Variants in BBS1 observed in about 807,000 individuals in gnomAD.
BBS1 encodes the protein BBSome complex member BBS1.
Under a neutral mutation model 73.9 loss-of-function variants are expected in BBS1, and 60 were observed. The ratio of observed to expected loss-of-function variants is 0.81; its 90% CI spans 0.66 to 1.01. The LOEUF is 1.01. BBS1 is among the 50% of genes least tolerant of loss of function. The pLI, the probability that BBS1 is intolerant of heterozygous loss-of-function variation, is 0.00. For synonymous variants in BBS1, 283 were observed against 317.4 expected, an observed-to-expected ratio of 0.89 and a Z score of 1.15; for missense variants, 718 against 770.3, an observed-to-expected ratio of 0.93 and a Z score of 0.80.
rs200423761 is a variant in BBS1, at chr11:66,514,517, A to G, written c.271A>G (p.Thr91Ala). Residue 91 changes from threonine to alanine, a missense_variant, in exon 4 of 17, where the codon ACC becomes GCC. By Grantham distance (58) the Thr-to-Ala change is moderately conservative (BLOSUM62 0). Coordinates refer to ENST00000318312, the MANE Select transcript of BBS1 (RefSeq NM_024649.5). ...ACCTGCTCTGCCAGCTGCTGCTGCC[A>G]CCTTCCTCATGGAGCAACATGAGCC... Reference protein sequence around the residue: ...PLPALPAAAATFLMEQHEPRT... With the variant: ...PLPALPAAAAAFLMEQHEPRT... 1.2e-6 allele frequency: 2 copies of G among 1,614,072 alleles called. No individual in the cohort carries two copies. Among genetic ancestry groups the G allele is most frequent in the African/African-American group, 1.3e-5 (1 of 75,012 alleles).
chr11:66,517,979 TG>T (rs1856090813), intron 7 of BBS1, among the ~76,000 whole-genome samples: 1 of 150,204 alleles, frequency 6.7e-6, no homozygotes, highest in African/African-American at 2.4e-5. Flanking sequence ...TTTTTTGAGA[TG>T]GAGTTTTGCT....
Position 66,519,646 on chromosome 11 carries a change from G to A in BBS1, c.621G>A (p.Lys207=). Residue 207 remains lysine (K), a synonymous_variant, in exon 8 of 17, where the codon AAG becomes AAA. Transcript: ENST00000318312. ...TCATCACCACCATGACCACCTTGAAGAAGAACCTGGCTGACGAGGATGCTG... is the reference window on the plus strand; with the variant it reads ...TCATCACCACCATGACCACCTTGAAAAAGAACCTGGCTGACGAGGATGCTG... ...QTVITTMTTL[K]KNLADEDAVS... The A allele has an allele frequency of 6.2e-7, 1 of 1,613,928 alleles. No individual in the cohort carries two copies. Among genetic ancestry groups the A allele is most frequent in the Non-Finnish European group, 8.5e-7 (1 of 1,179,958 alleles).
chr11:66,526,364 C>G (rs1163533214), intron 12 of BBS1, among the ~76,000 whole-genome samples, 172 bp downstream of exon 12: 2 of 152,216 alleles, frequency 1.3e-5, no homozygotes, highest in Admixed American at 6.5e-5. Flanking sequence ...AGCCCAAGGG[C>G]TGGGTCCTGG....
At chr11:66,531,088 G>A in intron 15 of BBS1, 60 bp downstream of exon 15, 2 of 1,603,560 alleles carry the variant, frequency 1.2e-6, no homozygotes, top group Non-Finnish European at 1.7e-6. Context: ...GGCCTGATGA[G>A]ATGCCCACAG....
At chr11:66,523,235 G>A in intron 9 of BBS1, 1 of 676,128 alleles carries the variant, frequency 1.5e-6, no homozygotes, top group Non-Finnish European at 2.7e-6. Flanking sequence ...GAAGGTGGGA[G>A]GAAGACAAGA....
chr11:66,523,658 C>T, intron 10 of BBS1, 66 bp from the exon 11 acceptor site: 1 of 1,610,814 alleles, frequency 6.2e-7, no homozygotes, highest in Non-Finnish European at 8.5e-7. Flanking sequence ...GGCTTCCCCA[C>T]CCCAGAAACC....
chr11:66,511,179 C>G (rs749835624), intron 2 of BBS1, 26 bp from the exon 3 acceptor site: 1 of 1,614,072 alleles, frequency 6.2e-7, no homozygotes, highest in Non-Finnish European at 8.5e-7. Flanking sequence ...TTCTGAGACT[C>G]TGGTTTTGGC....
intron 3 of BBS1, among the ~76,000 whole-genome samples, chr11:66,512,257 A>G (rs1855970430): frequency 6.6e-6 from 1 of 152,016 alleles, no homozygotes; most frequent in African/African-American, 2.4e-5. Flanking sequence ...TGAATGGGAA[A>G]ATAGTTTCAA....
At position 66,526,687 on chromosome 11, in the gene BBS1, G is replaced by A. The variant is rs754254633; in HGVS notation, c.1219G>A (p.Val407Met). The A allele has an allele frequency of 6.2e-7, 1 of 1,614,220 alleles. No individual in the cohort carries two copies. The highest frequency in any genetic ancestry group is 1.7e-5 in the Admixed American group (1 of 60,028). Residue 407 changes from valine (V) to methionine (M), a missense_variant, in exon 13 of 17, where the codon GTG becomes ATG. Physicochemically the swap from Val to Met is conservative, Grantham distance 21. Coordinates refer to ENST00000318312, the MANE Select transcript of BBS1 (RefSeq NM_024649.5). The stretch of plus-strand genomic sequence containing the variant: ...CATCAAGATCCTGAAGCGTACAGCA[G>A]TGTTTGTAGAGGGAGGAAGTGAGGT... Reference protein sequence around the residue: ...LIIKILKRTAVFVEGGSEVGP... With the variant: ...LIIKILKRTAMFVEGGSEVGP...
At position 66,519,902 on chromosome 11, in the gene BBS1, G is replaced by A. The variant is rs746033246; in HGVS notation, c.723+154G>A. 59 of 935,990 alleles carry A rather than the reference G, an allele frequency of 6.3e-5. No homozygotes were observed. The East Asian group carries it at 1.3e-3, about 21-fold the overall frequency. The allele number at this position is 935,990 out of a possible 1,614,324, so 58.0% of individuals were successfully genotyped here. A position where few individuals can be genotyped will look rare whatever the true frequency, so the allele number is the denominator to read the frequency against. Reference sequence around the variant, plus strand: ...AAGATATATATCCAAAAATCCTACCGCCTATGGATGTATACTGTTAAAGTT... The same window carrying A: ...AAGATATATATCCAAAAATCCTACCACCTATGGATGTATACTGTTAAAGTT... On this transcript the variant is annotated intron_variant, in intron 8 of 16. Coordinates refer to ENST00000318312, the MANE Select transcript of BBS1 (RefSeq NM_024649.5).
At chr11:66,514,732 G>A in intron 4 of BBS1, 54 bp downstream of exon 4, 1 of 1,594,324 alleles carries the variant, frequency 6.3e-7, no homozygotes, top group Non-Finnish European at 8.5e-7. Flanking sequence ...GCAGCCACTG[G>A]GTGAAGAGGG....
At position 66,532,108 on chromosome 11, in the gene BBS1, C is replaced by A; in HGVS notation, c.*71C>A. On this transcript the variant is annotated 3_prime_UTR_variant, in exon 17 of 17. Transcript: ENST00000318312. ...CTGGGCGGGTTTAGTGGCCCCAGGC[C>A]CACTCCTCATGCAGCAGTGTGCTGG... 6.8e-7 allele frequency: 1 copy of A among 1,471,648 alleles called. No individual in the cohort carries two copies. The highest frequency in any genetic ancestry group is 9.2e-7 in the Non-Finnish European group (1 of 1,081,622). 91.2% of individuals were successfully genotyped at this position (1,471,648 alleles called of 1,614,324 possible).
intron 7 of BBS1, among the ~76,000 whole-genome samples, chr11:66,517,952 TTTTTC>T (rs1185705176): frequency 6.6e-6 from 1 of 150,712 alleles, no homozygotes; most frequent in African/African-American, 2.4e-5. Flanking sequence ...GTCACTTTTT[TTTTTC>T]TTTTCTTTTT....
At chr11:66,515,501 T>G (rs144882260) in intron 4 of BBS1, 39 bp from the exon 5 acceptor site, 3 of 1,612,534 alleles carry the variant, frequency 1.9e-6, no homozygotes, top group Non-Finnish European at 2.5e-6. Flanking sequence ...GTTTCCTGCC[T>G]GGCTTGAGCT....
chr11:66,523,775 C>G lies in BBS1; in HGVS notation c.1003C>G (p.Leu335Val). The G allele has an allele frequency of 6.2e-7, 1 of 1,613,298 alleles. No individual in the cohort carries two copies. Among genetic ancestry groups the G allele is most frequent in the South Asian group, 1.1e-5 (1 of 91,088 alleles). ...QMPAAILTMNLLEQHSRGLQA... is the reference protein window; with the variant it reads ...QMPAAILTMNVLEQHSRGLQA... The stretch of plus-strand genomic sequence containing the variant: ...GCCCGCAGCCATCCTGACCATGAAC[C>G]TCCTGGAGCAGCATTCCCGGGGCCT... Residue 335 changes from leucine to valine, a missense_variant, in exon 11 of 17, where the codon CTC becomes GTC. Physicochemically the swap from Leu to Val is conservative, Grantham distance 32 (BLOSUM62 1). Transcript: ENST00000318312.
At chr11:66,523,124 G>T (rs1856313893) in intron 9 of BBS1, 2 of 491,992 alleles carry the variant, frequency 4.1e-6, no homozygotes, top group Non-Finnish European at 8.0e-6. Context: ...ACTTGTCCTG[G>T]CTAGTCCAGC....
intron 15 of BBS1, 138 bp downstream of exon 15, chr11:66,531,166 C>T: frequency 2.4e-6 from 3 of 1,250,980 alleles, no homozygotes; most frequent in Non-Finnish European, 3.4e-6. Context: ...ACTCTCCCAC[C>T]ACAGACCAGG....
chr11:66,520,006 C>T (rs1184259278), intron 8 of BBS1: 4 of 386,156 alleles, frequency 1.0e-5, no homozygotes, highest in Non-Finnish European at 4.9e-6. Flanking sequence ...TTTATAAAAA[C>T]AGGATTAGCT....
chr11:66,517,205 A>G (rs1486357486), intron 7 of BBS1, among the ~76,000 whole-genome samples: 1 of 151,484 alleles, frequency 6.6e-6, no homozygotes, highest in African/African-American at 2.4e-5. Context: ...TCTCAAAAAA[A>G]AAAACCAAAA....
Sources: gnomAD v4.1 joint callset for allele counts (sites outside exome capture counted in the v4.1 genomes callset) on GRCh38, gnomAD v4.1.1 for gene constraint, MANE v1.5 for transcripts, NCBI Gene and HGNC (gene_info 2026-07-23, HGNC 2026-07-21) for gene names.